Variants in PTBP2 observed in about 807,000 individuals in gnomAD.
PTBP2 encodes polypyrimidine tract binding protein 2.
In PTBP2, 13 loss-of-function variants were observed where a neutral mutation model predicts 61.4. The observed-to-expected ratio is 0.21, with a 90% confidence interval of 0.14 to 0.34. The LOEUF (loss-of-function observed/expected upper bound fraction) is 0.34. PTBP2 is among the 10% of genes least tolerant of loss of function. The pLI, the probability that PTBP2 is intolerant of heterozygous loss-of-function variation, is 1.00. For missense variants in PTBP2, 405 were observed against 642.6 expected (o/e 0.63, Z 4.00); for synonymous variants, 215 against 218.5 (o/e 0.98, Z 0.14).
intron 11 of PTBP2, among the ~76,000 whole-genome samples, chr1:96,812,471 A>C (rs1331957353): frequency 6.6e-6 from 1 of 152,204 alleles, no homozygotes; most frequent in Non-Finnish European, 1.5e-5. Context: ...AGGATTGTTG[A>C]GGAAGATAGA....
In PTBP2 at chr1:96,813,493, ATTTTTT is replaced by A; in HGVS notation, c.*91_*96del. 2 of 1,262,286 alleles carry A rather than the reference ATTTTTT, an allele frequency of 1.6e-6. No homozygotes were observed. The highest frequency in any genetic ancestry group is 2.1e-6 in the Non-Finnish European group (2 of 955,546). The allele number at this position is 1,262,286 out of a possible 1,614,324, so 78.2% of individuals were successfully genotyped here. ...TCAGAAAAGTGGGGACCAGAGTTTG[ATTTTTT>A]TTGTTTTTGTTTTTTTGGGGTTTCT... is the stretch of plus-strand genomic sequence containing the variant. On this transcript the variant is annotated 3_prime_UTR_variant, in exon 14 of 14. Transcript: ENST00000674951.
chr1:96,770,998 C>G (rs1258990258), intron 5 of PTBP2, 147 bp downstream of exon 5: 1 of 648,626 alleles, frequency 1.5e-6, no homozygotes, highest in Admixed American at 3.2e-5. Flanking sequence ...CAGAATGTTT[C>G]TAAGTATTAA....
At chr1:96,744,902 T>C (rs1653543451) in intron 2 of PTBP2, among the ~76,000 whole-genome samples, 1 of 152,210 alleles carries the variant, frequency 6.6e-6, no homozygotes, top group African/African-American at 2.4e-5. Flanking sequence ...CTGATTGTTA[T>C]TCTTTCTTAT....
At chr1:96,763,526 C>T (rs1656279125) in intron 3 of PTBP2, among the ~76,000 whole-genome samples, 1 of 147,554 alleles carries the variant, frequency 6.8e-6, no homozygotes, top group Non-Finnish European at 1.5e-5. Flanking sequence ...GAGATGGCAG[C>T]AGTACAGTCC....
At chr1:96,788,902 G>C (rs1464782988) in intron 8 of PTBP2, among the ~76,000 whole-genome samples, 1 of 152,062 alleles carries the variant, frequency 6.6e-6, no homozygotes, top group East Asian at 1.9e-4. Context: ...AGGAGACTGA[G>C]TGCTTTGTAA....
chr1:96,769,828 C>A lies in PTBP2; in HGVS notation c.241C>A (p.Pro81Thr), dbSNP rs1364474147. 6.2e-7 allele frequency: 1 copy of A among 1,607,414 alleles called. No individual in the cohort carries two copies. Among genetic ancestry groups the A allele is most frequent in the Non-Finnish European group, 8.5e-7 (1 of 1,176,892 alleles). Residue 81 changes from proline to threonine, a missense_variant, in exon 4 of 14, where the codon CCT becomes ACT. Pro to Thr is a conservative substitution (Grantham distance 38). Coordinates refer to ENST00000674951, the MANE Select transcript of PTBP2 (RefSeq NM_021190.4). Reference protein sequence around the residue: ...TETEVIALGLPFGKVTNILML... With the variant: ...TETEVIALGLTFGKVTNILML... Reference sequence around the variant, plus strand: ...AACTGAAGTTATTGCTTTAGGCTTACCTTTTGGTAAGGTGACCAACATCCT... The same window carrying A: ...AACTGAAGTTATTGCTTTAGGCTTAACTTTTGGTAAGGTGACCAACATCCT...
chr1:96,768,295 T>C (rs1656976589), intron 3 of PTBP2, among the ~76,000 whole-genome samples: 1 of 152,064 alleles, frequency 6.6e-6, no homozygotes, highest in African/African-American at 2.4e-5. Context: ...CATCCCTGAA[T>C]ACCCAGTAAA....
At position 96,804,742 on chromosome 1, in the gene PTBP2, G is replaced by T; in HGVS notation, c.905-58G>T. 4 of 1,514,692 alleles carry T rather than the reference G, an allele frequency of 2.6e-6. No individual in the cohort carries two copies. The South Asian group carries it at 5.0e-5, about 19-fold the overall frequency. 93.8% of individuals were successfully genotyped at this position (1,514,692 alleles called of 1,614,324 possible). A position where few individuals can be genotyped will look rare whatever the true frequency, so the allele number is the denominator to read the frequency against. On this transcript the variant is annotated intron_variant, in intron 8 of 13. Coordinates refer to ENST00000674951, the MANE Select transcript of PTBP2 (RefSeq NM_021190.4). ...CGTGCTTAAATTGGTTTTTGTAAAC[G>T]ACTTGTGTGTGTTTCGTAAAATATG... is the stretch of plus-strand genomic sequence containing the variant.
chr1:96,757,725 T>A (rs1378902434), intron 3 of PTBP2, among the ~76,000 whole-genome samples: 3 of 152,150 alleles, frequency 2.0e-5, no homozygotes, highest in Non-Finnish European at 4.4e-5. Flanking sequence ...TGACAGCTAA[T>A]GTATCTGACT....
intron 2 of PTBP2, among the ~76,000 whole-genome samples, chr1:96,739,851 C>T (rs923094258): frequency 1.3e-5 from 2 of 151,692 alleles, no homozygotes; most frequent in Non-Finnish European, 2.9e-5. Context: ...ACTCTTATCT[C>T]CCGACCTCGT....
intron 1 of PTBP2, among the ~76,000 whole-genome samples, chr1:96,722,720 T>G (rs1649786010): frequency 6.6e-6 from 1 of 152,180 alleles, no homozygotes; most frequent in Non-Finnish European, 1.5e-5. Flanking sequence ...TTTGGTCAGT[T>G]TCTGGAAAAA....
chr1:96,722,797 G>C (rs1649795974), intron 1 of PTBP2, among the ~76,000 whole-genome samples: 1 of 152,170 alleles, frequency 6.6e-6, no homozygotes, highest in Non-Finnish European at 1.5e-5. Flanking sequence ...TGCTGAGTGA[G>C]GTGAGAGGCA....
chr1:96,746,859 C>T (rs1360108266), intron 2 of PTBP2, among the ~76,000 whole-genome samples: 1 of 118,766 alleles, frequency 8.4e-6, no homozygotes, highest in Non-Finnish European at 1.8e-5. Context: ...CTCCCCCTCC[C>T]TCCGTCCGTC....
chr1:96,736,481 A>G (rs1189054499), intron 2 of PTBP2, among the ~76,000 whole-genome samples: 1 of 152,178 alleles, frequency 6.6e-6, no homozygotes, highest in Non-Finnish European at 1.5e-5. Flanking sequence ...TACAGTAGCT[A>G]CTAGTCATTT....
At chr1:96,737,139 C>G (rs899899530) in intron 2 of PTBP2, among the ~76,000 whole-genome samples, 2 of 151,982 alleles carry the variant, frequency 1.3e-5, no homozygotes, top group Non-Finnish European at 2.9e-5. Context: ...GCCACCACAC[C>G]CGGCTAATTT....
chr1:96,764,835 G>A (rs1656478350), intron 3 of PTBP2, among the ~76,000 whole-genome samples: 1 of 152,162 alleles, frequency 6.6e-6, no homozygotes, highest in African/African-American at 2.4e-5. Flanking sequence ...GTATATAAAG[G>A]TAGTGAGAGC....
intron 8 of PTBP2, among the ~76,000 whole-genome samples, chr1:96,798,311 CAGG>C (rs1660601419): frequency 6.6e-6 from 1 of 151,978 alleles, no homozygotes; most frequent in African/African-American, 2.4e-5. Flanking sequence ...GAGGCTGAGT[CAGG>C]AGAATTGCTT....
intron 11 of PTBP2, among the ~76,000 whole-genome samples, chr1:96,808,886 T>C (rs916512122): frequency 6.6e-6 from 1 of 152,116 alleles, no homozygotes; most frequent in Non-Finnish European, 1.5e-5. Flanking sequence ...CTAAAAAGAT[T>C]ATCAAACTTG....
intron 2 of PTBP2, among the ~76,000 whole-genome samples, chr1:96,743,675 G>C (rs1444050682): frequency 3.3e-5 from 5 of 152,132 alleles, no homozygotes; most frequent in Non-Finnish European, 7.4e-5. Flanking sequence ...TTTCTGATGA[G>C]TTGTTACCCT....
Sources: allele counts gnomAD v4.1 joint callset (sites outside exome capture counted in the v4.1 genomes callset), GRCh38; gene constraint gnomAD v4.1.1; transcripts MANE v1.5; gene names NCBI Gene and HGNC (gene_info 2026-07-23, HGNC 2026-07-21).